Variants in UBR3 observed in about 807,000 individuals in gnomAD.
The protein encoded by UBR3 is E3 ubiquitin-protein ligase UBR3.
Under a neutral mutation model 243.2 loss-of-function variants are expected in UBR3, and 85 were observed. That is an observed-to-expected ratio of 0.35 (90% CI 0.29 to 0.42). The LOEUF is 0.42. UBR3 is among the 10% of genes least tolerant of loss of function. The pLI, the probability that UBR3 is intolerant of heterozygous loss-of-function variation, is 1.00. For synonymous variants in UBR3, 748 were observed against 799.8 expected (o/e 0.94, Z 1.09); for missense variants, 1,686 against 2,300.8 (o/e 0.73, Z 5.47).
chr2:169,855,876 C>T (rs967771686), intron 1 of UBR3, among the ~76,000 whole-genome samples: 2 of 152,218 alleles, frequency 1.3e-5, no homozygotes, highest in African/African-American at 2.4e-5. Flanking sequence ...ACCTCCCAGA[C>T]GGGGTGGCGG....
intron 24 of UBR3, among the ~76,000 whole-genome samples, chr2:169,977,702 C>T (rs1249125616): frequency 6.6e-6 from 1 of 152,170 alleles, no homozygotes; most frequent in Non-Finnish European, 1.5e-5. Context: ...ACAATGATGG[C>T]AGATGTTCCT....
intron 24 of UBR3, among the ~76,000 whole-genome samples, chr2:169,976,270 A>G (rs1424174183): frequency 6.8e-6 from 1 of 146,334 alleles, no homozygotes; most frequent in African/African-American, 2.5e-5. Context: ...ATTGTTTATC[A>G]TTGTGTTTTA....
At chr2:170,033,285 T>C (rs1039000485) in intron 31 of UBR3, among the ~76,000 whole-genome samples, 2 of 152,104 alleles carry the variant, frequency 1.3e-5, no homozygotes, top group African/African-American at 2.4e-5. Flanking sequence ...AACACTTATA[T>C]AGTACTTCAT....
chr2:169,871,531 G>A (rs1425719598), intron 1 of UBR3, among the ~76,000 whole-genome samples: 1 of 151,952 alleles, frequency 6.6e-6, no homozygotes, highest in Admixed American at 6.6e-5. Flanking sequence ...AGCACCTGAG[G>A]TCAGTAGTTT....
intron 26 of UBR3, among the ~76,000 whole-genome samples, chr2:169,997,032 ATTAC>A (rs1472907102): frequency 6.6e-6 from 1 of 151,910 alleles, no homozygotes; most frequent in Non-Finnish European, 1.5e-5. Flanking sequence ...GGATACATAT[ATTAC>A]TTTATTAATC....
intron 16 of UBR3, 36 bp downstream of exon 16, chr2:169,927,007 T>A: frequency 2.6e-6 from 4 of 1,532,854 alleles, no homozygotes; most frequent in Non-Finnish European, 3.5e-6. Flanking sequence ...ATGCATTAAC[T>A]GTTTTCCTCC....
chr2:169,866,356 T>C (rs1455272132), intron 1 of UBR3, among the ~76,000 whole-genome samples: 4 of 150,984 alleles, frequency 2.6e-5, no homozygotes, highest in African/African-American at 9.7e-5. Flanking sequence ...TGGAAGAAGT[T>C]TTTTTGTTTT....
intron 32 of UBR3, among the ~76,000 whole-genome samples, chr2:170,047,425 A>G (rs2091116909): frequency 6.6e-6 from 1 of 152,228 alleles, no homozygotes; most frequent in Non-Finnish European, 1.5e-5. Context: ...GTAGTTTCAC[A>G]GCTTTTACCA....
intron 36 of UBR3, chr2:170,077,374 G>A: frequency 9.4e-7 from 1 of 1,062,344 alleles, no homozygotes; most frequent in Non-Finnish European, 1.4e-6. Flanking sequence ...AACATCCAAA[G>A]TTATATACAT....
At chr2:169,915,756 C>T (rs937847353) in intron 11 of UBR3, among the ~76,000 whole-genome samples, 6 of 152,092 alleles carry the variant, frequency 3.9e-5, no homozygotes, top group Admixed American at 6.5e-5. Context: ...TACCCTTTTT[C>T]TCATTTAATT....
At chr2:169,912,467 CCT>C (rs2085290799) in intron 10 of UBR3, among the ~76,000 whole-genome samples, 1 of 152,090 alleles carries the variant, frequency 6.6e-6, no homozygotes. Flanking sequence ...TAATATGTGG[CCT>C]TTTGTGTCTG....
At chr2:170,059,754 G>A (rs2091420675) in intron 33 of UBR3, among the ~76,000 whole-genome samples, 1 of 152,070 alleles carries the variant, frequency 6.6e-6, no homozygotes, top group Non-Finnish European at 1.5e-5. Context: ...ACATGGCTGA[G>A]TGAATATGGC....
chr2:170,074,522 C>T (rs1373077313), intron 36 of UBR3, among the ~76,000 whole-genome samples: 1 of 152,114 alleles, frequency 6.6e-6, no homozygotes, highest in Admixed American at 6.5e-5. Context: ...GTATAGCCTC[C>T]CTCTGCCATT....
intron 36 of UBR3, among the ~76,000 whole-genome samples, chr2:170,076,005 C>G (rs1182478696): frequency 6.6e-6 from 1 of 151,806 alleles, no homozygotes; most frequent in Non-Finnish European, 1.5e-5. Flanking sequence ...AGAAGAGAAA[C>G]CACAAATATC....
intron 2 of UBR3, among the ~76,000 whole-genome samples, chr2:169,874,612 A>T (rs876055): frequency 0.24 from 36,849 of 152,106 alleles, 4,638 homozygotes; most frequent in South Asian, 0.41. Flanking sequence ...CATTCATCCA[A>T]TAATCCTTAT....
chr2:169,955,692 G>A (rs539966831), intron 23 of UBR3, among the ~76,000 whole-genome samples: 26 of 148,792 alleles, frequency 1.7e-4, no homozygotes, highest in African/African-American at 6.4e-4. Context: ...TACTCAAGAG[G>A]CTGAAGCATG....
In UBR3 at chr2:170,008,780, A is replaced by T. The variant is rs188673997; in HGVS notation, c.4231-24A>T. 2.7e-6 allele frequency: 3 copies of T among 1,092,640 alleles called. No individual in the cohort carries two copies. In the Admixed American group the frequency reaches 7.2e-5, roughly 26 times the overall value. 67.7% of individuals were successfully genotyped at this position (1,092,640 alleles called of 1,614,324 possible). ...TAAAGAAAGTGAATATAAACTTTAT[A>T]TGTATGTTTGCATTTTTTTATAGTC... On this transcript the variant is annotated intron_variant, in intron 28 of 38. Transcript: ENST00000272793.
chr2:170,013,751 T>C (rs1287435776), intron 29 of UBR3: 1 of 216,856 alleles, frequency 4.6e-6, no homozygotes, highest in African/African-American at 2.3e-5. Flanking sequence ...TTGTAAGTAT[T>C]GTTTGTGTTT....
At chr2:169,975,480 T>C (rs1358111734) in intron 24 of UBR3, among the ~76,000 whole-genome samples, 1 of 152,212 alleles carries the variant, frequency 6.6e-6, no homozygotes, top group Non-Finnish European at 1.5e-5. Context: ...TGGCTTAAAG[T>C]GCAGTTTAAA....
Sources: gnomAD v4.1 joint callset for allele counts (sites outside exome capture counted in the v4.1 genomes callset) on GRCh38, gnomAD v4.1.1 for gene constraint, MANE v1.5 for transcripts, NCBI Gene and HGNC (gene_info 2026-07-23, HGNC 2026-07-21) for gene names.